The following RNF180 variants were observed in gnomAD, a reference collection of about 807,000 sequenced individuals.
The protein encoded by RNF180 is ring finger protein 180.
Under a neutral mutation model 59.2 loss-of-function variants are expected in RNF180, and 38 were observed. That is an observed-to-expected ratio of 0.64 (90% CI 0.50 to 0.84). RNF180 has a LOEUF of 0.84. RNF180 is among the 40% of genes least tolerant of loss of function. The pLI is 0.00. For synonymous variants in RNF180, 262 were observed against 240.3 expected, an observed-to-expected ratio of 1.09 and a Z score of -0.84; for missense variants, 705 against 700.9, an observed-to-expected ratio of 1.01 and a Z score of -0.07.
In RNF180 at chr5:64,212,242, A is replaced by AGAT. The variant is rs1320691435; in HGVS notation, c.231+84_231+86dup. The AGAT allele has an allele frequency of 2.2e-5, 18 of 819,546 alleles. No individual in the cohort carries two copies. In the Admixed American group the frequency reaches 2.8e-4, roughly 13 times the overall value. The allele number at this position is 819,546 out of a possible 1,614,324, so 50.8% of individuals were successfully genotyped here. On this transcript the variant is annotated intron_variant, in intron 3 of 7. Transcript: ENST00000389100. ...TCCTCCTTTTAGAGCTATTTTTCTT[A>AGAT]GATGCATTCCTTGGCCAACCTCTTA...
chr5:64,208,287 T>C (rs1448764678), intron 2 of RNF180, among the ~76,000 whole-genome samples: 4 of 152,058 alleles, frequency 2.6e-5, no homozygotes, highest in Admixed American at 6.6e-5. Flanking sequence ...TCCTCCTTCC[T>C]CCGTGTGGGA....
intron 7 of RNF180, among the ~76,000 whole-genome samples, chr5:64,341,432 A>G (rs1218471983): frequency 6.6e-6 from 1 of 152,232 alleles, no homozygotes; most frequent in Non-Finnish European, 1.5e-5. Context: ...GTTGATATCA[A>G]TAAATGGTGT....
intron 5 of RNF180, among the ~76,000 whole-genome samples, chr5:64,274,583 A>G (rs1474091266): frequency 6.6e-6 from 1 of 151,970 alleles, no homozygotes; most frequent in Non-Finnish European, 1.5e-5. Flanking sequence ...TATGGCTTTT[A>G]CCAGTAAAAG....
intron 5 of RNF180, among the ~76,000 whole-genome samples, chr5:64,219,809 G>A (rs974672481): frequency 6.6e-5 from 10 of 151,970 alleles, no homozygotes; most frequent in Admixed American, 2.6e-4. Context: ...GTGAGCCACC[G>A]CGCCTGGCCG....
intron 7 of RNF180, among the ~76,000 whole-genome samples, chr5:64,354,831 T>G (rs1456040904): frequency 6.6e-6 from 1 of 151,724 alleles, no homozygotes; most frequent in East Asian, 1.9e-4. Flanking sequence ...GGGAAGGGAT[T>G]GTTTTACTTG....
At position 64,317,096 on chromosome 5, in the gene RNF180, A is replaced by G. The variant is rs571026692; in HGVS notation, c.1228-8090A>G. On this transcript the variant is annotated intron_variant, in intron 5 of 7. Transcript: ENST00000389100. ...ACTATATTTATTGAAAAAAATCCAC[A>G]TATAAGTGGACCCACCCAGTTCAAA... 7.9e-5 allele frequency among the ~76,000 whole-genome samples: 12 copies of G among 152,294 alleles called. No individual in the cohort carries two copies. The South Asian group carries it at 2.3e-3, about 29-fold the overall frequency.
intron 5 of RNF180, among the ~76,000 whole-genome samples, chr5:64,286,961 G>T (rs1333058577): frequency 6.6e-6 from 1 of 152,084 alleles, no homozygotes; most frequent in Admixed American, 6.6e-5. Context: ...TCTTAAAAAA[G>T]TCCAGATTTA....
chr5:64,191,072 C>T (rs1178918348), intron 1 of RNF180, among the ~76,000 whole-genome samples: 1 of 152,076 alleles, frequency 6.6e-6, no homozygotes, highest in Non-Finnish European at 1.5e-5. Context: ...TAATGAATAC[C>T]AGTAACTTTG....
chr5:64,250,515 T>C (rs962841387), intron 5 of RNF180, among the ~76,000 whole-genome samples: 16 of 151,966 alleles, frequency 1.1e-4, no homozygotes, highest in Admixed American at 6.6e-4. Flanking sequence ...AACAAACCAT[T>C]AGCTGGGCTA....
chr5:64,338,766 GT>G (rs576873269), intron 7 of RNF180, among the ~76,000 whole-genome samples: 3 of 152,046 alleles, frequency 2.0e-5, no homozygotes, highest in South Asian at 4.1e-4. Context: ...AATGCCTGTA[GT>G]TTTTCTTAAA....
intron 7 of RNF180, among the ~76,000 whole-genome samples, chr5:64,344,116 T>TA (rs1037380963): frequency 6.6e-6 from 1 of 151,286 alleles, no homozygotes; most frequent in Non-Finnish European, 1.5e-5. Context: ...ATCTAGAAAA[T>TA]AAAAAATGTA....
intron 7 of RNF180, among the ~76,000 whole-genome samples, chr5:64,343,862 G>A (rs1307708995): frequency 6.6e-6 from 1 of 151,362 alleles, no homozygotes; most frequent in Admixed American, 6.6e-5. Flanking sequence ...GCTCTTTAGG[G>A]CAAAAGGATC....
intron 2 of RNF180, among the ~76,000 whole-genome samples, chr5:64,211,661 G>A (rs967910590): frequency 1.3e-5 from 2 of 152,164 alleles, no homozygotes; most frequent in Non-Finnish European, 2.9e-5. Flanking sequence ...CATCTTGATA[G>A]AGAATAGAGC....
At chr5:64,293,071 C>T (rs556037570) in intron 5 of RNF180, among the ~76,000 whole-genome samples, 1 of 152,176 alleles carries the variant, frequency 6.6e-6, no homozygotes, top group Non-Finnish European at 1.5e-5. Flanking sequence ...CAGCCTGTTG[C>T]GCTGGGTTGG....
chr5:64,183,254 A>G (rs766939967), intron 1 of RNF180, among the ~76,000 whole-genome samples: 15 of 152,140 alleles, frequency 9.9e-5, no homozygotes, highest in Non-Finnish European at 2.2e-4. Flanking sequence ...CCTACCTCAT[A>G]GGAATGTCTT....
At chr5:64,218,277 G>C (rs1752740943) in intron 5 of RNF180, among the ~76,000 whole-genome samples, 1 of 152,092 alleles carries the variant, frequency 6.6e-6, no homozygotes. Flanking sequence ...TGAGAATTAG[G>C]ATTCATTTAA....
chr5:64,187,120 G>T (rs1466391892), intron 1 of RNF180, among the ~76,000 whole-genome samples: 1 of 152,100 alleles, frequency 6.6e-6, no homozygotes, highest in African/African-American at 2.4e-5. Flanking sequence ...TTGAAATACT[G>T]CAGTGGGCAT....
chr5:64,315,279 C>T (rs1445074094), intron 5 of RNF180, among the ~76,000 whole-genome samples: 8 of 152,168 alleles, frequency 5.3e-5, no homozygotes. Context: ...TTTTGATTGG[C>T]AGCAAATACC....
intron 5 of RNF180, among the ~76,000 whole-genome samples, chr5:64,259,736 A>G (rs79587408): frequency 6.6e-6 from 1 of 152,266 alleles, no homozygotes; most frequent in East Asian, 1.9e-4. Context: ...CAGCCCGACC[A>G]ACATGGAGAA....
Sources: allele counts gnomAD v4.1 joint callset (sites outside exome capture counted in the v4.1 genomes callset), GRCh38; gene constraint gnomAD v4.1.1; transcripts MANE v1.5; gene names NCBI Gene and HGNC (gene_info 2026-07-23, HGNC 2026-07-21).